LZTS1: variants seen among roughly 807,000 people sequenced by gnomAD.
LZTS1 encodes the protein leucine zipper tumor suppressor 1.
LZTS1 carries 31 observed loss-of-function variants against 45.8 expected under a neutral mutation model. The observed-to-expected ratio is 0.68, with a 90% CI of 0.51 to 0.91. The LOEUF is 0.91. LZTS1 is among the 40% of genes least tolerant of loss of function. The pLI is 0.00. For synonymous variants in LZTS1, 359 were observed against 357.3 expected (o/e 1.00, Z -0.05); for missense variants, 821 against 788.9 (o/e 1.04, Z -0.49).
intron 1 of LZTS1, among the ~76,000 whole-genome samples, chr8:20,278,045 T>A (rs1476245): frequency 0.34 from 50,951 of 151,766 alleles, 9,997 homozygotes; most frequent in East Asian, 0.43. Flanking sequence ...GGCAGGAGAG[T>A]CCCCAACCCA....
chr8:20,261,338 C>G (rs1460630756), intron 1 of LZTS1, among the ~76,000 whole-genome samples: 1 of 152,178 alleles, frequency 6.6e-6, no homozygotes, highest in East Asian at 1.9e-4. Flanking sequence ...GCAGCTGGGA[C>G]CATCCAGCCT....
At chr8:20,282,124 A>C (rs2086885) in intron 1 of LZTS1, among the ~76,000 whole-genome samples, 2 of 152,158 alleles carry the variant, frequency 1.3e-5, no homozygotes, top group African/African-American at 4.8e-5. Flanking sequence ...TTTTCTAGTC[A>C]CCACGAGGGT....
chr8:20,264,554 T>C (rs1210928608), intron 1 of LZTS1, among the ~76,000 whole-genome samples: 1 of 152,112 alleles, frequency 6.6e-6, no homozygotes, highest in Non-Finnish European at 1.5e-5. Flanking sequence ...GAGAAGTTGC[T>C]GTTACTCAGA....
At position 20,254,873 on chromosome 8, in the gene LZTS1, G is replaced by C; in HGVS notation, c.309C>G (p.Pro103=). The change falls in exon 2 of 4, where the codon CCC becomes CCG. Residue 103 remains proline (P), a synonymous_variant. Transcript: ENST00000381569. The part of the protein sequence containing the change: ...QAGVDFDPST[P]PKLMPFSNQL... ...GATTGGAGAAGGGCATGAGCTTGGG[G>C]GGTGTGGACGGGTCAAAGTCCACCC... 1 of 1,613,590 alleles carries C rather than the reference G, an allele frequency of 6.2e-7. No individual in the cohort carries two copies.
intron 1 of LZTS1, among the ~76,000 whole-genome samples, chr8:20,296,844 T>C (rs1186119038): frequency 6.6e-6 from 1 of 152,240 alleles, no homozygotes; most frequent in African/African-American, 2.4e-5. Flanking sequence ...CTTTGCTGTC[T>C]TTGTTCCAGG....
At position 20,253,404 on chromosome 8, in the gene LZTS1, C is replaced by T. The variant is rs144922809; in HGVS notation, c.527G>A (p.Arg176Gln). 4.3e-4 allele frequency: 698 copies of T among 1,611,894 alleles called. 1 individual carries two copies. The highest frequency in any genetic ancestry group is 5.6e-4 in the African/African-American group (42 of 75,026). Reference protein sequence around the residue: ...LCSGALSDSGRNSMSSLPTHS... With the variant: ...LCSGALSDSGQNSMSSLPTHS... The stretch of plus-strand genomic sequence containing the variant: ...TGTGGGCAGGCTGGACATGGAGTTC[C>T]GGCCGGAGTCTGACAGCGCCCCAGA... Residue 176 changes from arginine to glutamine, a missense_variant, in exon 3 of 4, where the codon CGG becomes CAG. Coordinates refer to ENST00000381569, the MANE Select transcript of LZTS1 (RefSeq NM_021020.5).
At chr8:20,292,369 G>A (rs1441621003) in intron 1 of LZTS1, among the ~76,000 whole-genome samples, 6 of 152,200 alleles carry the variant, frequency 3.9e-5, no homozygotes, top group Admixed American at 3.9e-4. Context: ...CCTGCTGACT[G>A]GCACCCAGCA....
intron 1 of LZTS1, among the ~76,000 whole-genome samples, chr8:20,287,781 C>A (rs1457477884): frequency 1.3e-5 from 2 of 151,378 alleles, no homozygotes; most frequent in Non-Finnish European, 2.9e-5. Flanking sequence ...ACAAAATTAG[C>A]CAAGCATAGT....
At chr8:20,296,323 C>T (rs1351014502) in intron 1 of LZTS1, among the ~76,000 whole-genome samples, 1 of 152,204 alleles carries the variant, frequency 6.6e-6, no homozygotes, top group Non-Finnish European at 1.5e-5. Context: ...CCACTCCCAA[C>T]CCCATCTCAC....
chr8:20,278,917 T>C (rs1800634858), intron 1 of LZTS1, among the ~76,000 whole-genome samples: 1 of 152,208 alleles, frequency 6.6e-6, no homozygotes, highest in African/African-American at 2.4e-5. Context: ...CTGCAGTACA[T>C]TCATGACCCT....
At chr8:20,288,765 C>T (rs1240355990) in intron 1 of LZTS1, among the ~76,000 whole-genome samples, 1 of 152,144 alleles carries the variant, frequency 6.6e-6, no homozygotes, top group Non-Finnish European at 1.5e-5. Context: ...TGCGCCCAAC[C>T]TGCCCCTCCT....
At chr8:20,260,506 G>A (rs984657146) in intron 1 of LZTS1, among the ~76,000 whole-genome samples, 7 of 152,150 alleles carry the variant, frequency 4.6e-5, no homozygotes, top group African/African-American at 1.4e-4. Flanking sequence ...TGCTAAAATC[G>A]CACGCTGCAA....
rs1801130071 is a variant in LZTS1 at position 20,303,952 on chromosome 8, G to A, written c.-347C>T. 1 of 966,094 alleles carries A rather than the reference G, an allele frequency of 1.0e-6. No individual in the cohort carries two copies. The highest frequency in any genetic ancestry group is 1.2e-6 in the Non-Finnish European group (1 of 813,774). 59.8% of individuals were successfully genotyped at this position (966,094 alleles called of 1,614,324 possible). A position where few individuals can be genotyped will look rare whatever the true frequency, so the allele number is the denominator to read the frequency against. On this transcript the variant is annotated 5_prime_UTR_variant, in exon 1 of 4. Coordinates refer to ENST00000381569, the MANE Select transcript of LZTS1 (RefSeq NM_021020.5). Reference sequence around the variant, plus strand: ...CTGCCAACCCGCCAGCTCCAGGCGCGCCGGCCTCTGCGCGGGTCCCGGAGC... The same window carrying A: ...CTGCCAACCCGCCAGCTCCAGGCGCACCGGCCTCTGCGCGGGTCCCGGAGC...
chr8:20,270,193 A>G (rs1800444263), intron 1 of LZTS1, among the ~76,000 whole-genome samples: 1 of 152,222 alleles, frequency 6.6e-6, no homozygotes, highest in Non-Finnish European at 1.5e-5. Flanking sequence ...GTCCTAGGCC[A>G]CTCAGCAAGG....
intron 1 of LZTS1, among the ~76,000 whole-genome samples, chr8:20,262,139 C>T (rs553282170): frequency 5.9e-5 from 9 of 152,196 alleles, no homozygotes; most frequent in African/African-American, 1.7e-4. Flanking sequence ...AGGCCCACAA[C>T]GATGCAAAGT....
chr8:20,301,871 C>T (rs1285750449), intron 1 of LZTS1, among the ~76,000 whole-genome samples: 1 of 152,164 alleles, frequency 6.6e-6, no homozygotes, highest in East Asian at 1.9e-4. Context: ...AGGTTTACCT[C>T]GTGAAGCACA....
intron 1 of LZTS1, among the ~76,000 whole-genome samples, chr8:20,278,284 G>A (rs1042274572): frequency 1.3e-5 from 2 of 152,268 alleles, no homozygotes; most frequent in African/African-American, 4.8e-5. Flanking sequence ...CTCTAGGAAC[G>A]AGACAGGTAA....
At chr8:20,276,800 T>C (rs1477634754) in intron 1 of LZTS1, among the ~76,000 whole-genome samples, 1 of 152,244 alleles carries the variant, frequency 6.6e-6, no homozygotes, top group Non-Finnish European at 1.5e-5. Context: ...GCAGAGCTGA[T>C]TGTTTTCTTG....
chr8:20,282,128 C>A lies in LZTS1; in HGVS notation c.-135+21612G>T, dbSNP rs1016281310. ...TGAAGAGGGCCTTTTCTAGTCACCACGAGGGTCCACAGTCCTTTGACAGCC... is the reference window on the plus strand; with the variant it reads ...TGAAGAGGGCCTTTTCTAGTCACCAAGAGGGTCCACAGTCCTTTGACAGCC... On this transcript the variant is annotated intron_variant, in intron 1 of 3. Transcript: ENST00000381569. 4.6e-5 allele frequency among the ~76,000 whole-genome samples: 7 copies of A among 152,296 alleles called. No individual in the cohort carries two copies. In the South Asian group the frequency reaches 1.5e-3, roughly 32 times the overall value.
Sources: gnomAD v4.1 joint callset for allele counts (sites outside exome capture counted in the v4.1 genomes callset) on GRCh38, gnomAD v4.1.1 for gene constraint, MANE v1.5 for transcripts, NCBI Gene and HGNC (gene_info 2026-07-23, HGNC 2026-07-21) for gene names.